CERKL: variants seen among roughly 807,000 people sequenced by gnomAD.
CERKL encodes CERK like autophagy regulator.
In CERKL, 61 loss-of-function variants were observed where a neutral mutation model predicts 63.4. The observed-to-expected ratio is 0.96, with a 90% confidence interval of 0.78 to 1.19. CERKL has a LOEUF of 1.19. Among genes scored for constraint, CERKL ranks in the 50% most tolerant of loss-of-function variants. The pLI, the probability that CERKL is intolerant of heterozygous loss-of-function variation, is 0.00. For missense variants in CERKL, 675 were observed against 655.5 expected (o/e 1.03, Z -0.33); for synonymous variants, 250 against 230.5 (o/e 1.08, Z -0.77).
intron 2 of CERKL, among the ~76,000 whole-genome samples, chr2:181,584,824 T>C (rs72885333): frequency 0.13 from 20,006 of 150,840 alleles, 1,466 homozygotes; most frequent in East Asian, 0.26. Flanking sequence ...CGGTTTTTTT[T>C]GTTTTTGTTT....
At chr2:181,584,217 T>G (rs552735031) in intron 2 of CERKL, among the ~76,000 whole-genome samples, 11 of 152,116 alleles carry the variant, frequency 7.2e-5, no homozygotes, top group Non-Finnish European at 1.6e-4. Flanking sequence ...ATCCTCTTAA[T>G]AACCGCCATA....
Position 181,539,193 on chromosome 2 carries a change from T to G in CERKL, c.1437A>C (p.Gly479=). 1 of 1,605,424 alleles carries G rather than the reference T, an allele frequency of 6.2e-7. No homozygotes were observed. Among genetic ancestry groups the G allele is most frequent in the African/African-American group, 1.3e-5 (1 of 74,834 alleles). The change falls in exon 12 of 13, where the codon GGA becomes GGC. Residue 479 remains glycine (G), a synonymous_variant. Coordinates refer to ENST00000410087, the MANE Select transcript of CERKL (RefSeq NM_201548.5). Reference sequence around the variant, plus strand: ...CATCCTCCTCCTCCTCTGGATTATATCCACCAGTATTATTCCTTGGATGAA... The same window carrying G: ...CATCCTCCTCCTCCTCTGGATTATAGCCACCAGTATTATTCCTTGGATGAA... ...VKVHPRNNTG[G]YNPEEEEDET...
intron 2 of CERKL, among the ~76,000 whole-genome samples, chr2:181,582,702 G>A (rs1684575358): frequency 6.6e-6 from 1 of 151,596 alleles, no homozygotes; most frequent in Non-Finnish European, 1.5e-5. Context: ...ATGCCACCAA[G>A]CCCAGCTAAT....
intron 11 of CERKL, among the ~76,000 whole-genome samples, chr2:181,540,878 G>A (rs1188699240): frequency 6.6e-6 from 1 of 152,174 alleles, no homozygotes; most frequent in African/African-American, 2.4e-5. Context: ...GAGGCAAACA[G>A]GCTATGGATG....
chr2:181,648,881 T>C (rs560341168), intron 1 of CERKL, among the ~76,000 whole-genome samples: 34 of 152,354 alleles, frequency 2.2e-4, no homozygotes, highest in African/African-American at 6.3e-4. Context: ...AGACTTTTTA[T>C]GTTAGCCCCA....
At chr2:181,593,866 C>T (rs1442975123) in intron 2 of CERKL, among the ~76,000 whole-genome samples, 1 of 122,300 alleles carries the variant, frequency 8.2e-6, no homozygotes. Context: ...GAAAACACTA[C>T]TAAAAAAAAA....
intron 11 of CERKL, among the ~76,000 whole-genome samples, chr2:181,541,524 A>G (rs1366348415): frequency 1.3e-5 from 2 of 152,252 alleles, no homozygotes; most frequent in Non-Finnish European, 2.9e-5. Flanking sequence ...CACGTGTTCC[A>G]GACTGAGGAT....
intron 12 of CERKL, 124 bp from the exon 13 acceptor site, chr2:181,538,368 C>T (rs1197120495): frequency 3.2e-6 from 2 of 631,754 alleles, no homozygotes; most frequent in Non-Finnish European, 5.8e-6. Context: ...CCCAACAGAG[C>T]TGTAATCTAG....
At position 181,564,180 on chromosome 2, in the gene CERKL, G is replaced by A. The variant is rs367799692; in HGVS notation, c.677+1878C>T. On this transcript the variant is annotated intron_variant, in intron 4 of 12. Coordinates refer to ENST00000410087, the MANE Select transcript of CERKL (RefSeq NM_201548.5). Reference sequence around the variant, plus strand: ...ACCTGACAGGAGGTGGAGCTCAGGCGGAAATGATCCCTCTCCTGCCACTCA... The same window carrying A: ...ACCTGACAGGAGGTGGAGCTCAGGCAGAAATGATCCCTCTCCTGCCACTCA... 5.9e-5 allele frequency among the ~76,000 whole-genome samples: 9 copies of A among 152,158 alleles called. No homozygotes were observed. In the East Asian group the frequency reaches 1.4e-3, roughly 23 times the overall value.
Position 181,537,959 on chromosome 2 carries a change from T to G in CERKL, c.*225A>C, listed in dbSNP as rs1687255947. The G allele has an allele frequency of 4.7e-6, 3 of 642,208 alleles. No homozygotes were observed. The highest frequency in any genetic ancestry group is 8.7e-6 in the Non-Finnish European group (3 of 343,132). The allele number at this position is 642,208 out of a possible 1,614,324, so 39.8% of individuals were successfully genotyped here. ...TCTCATAGAAGTGCGAACCATATGG[T>G]GAACTGGTATGTGAGGGATCTAGAG... On this transcript the variant is annotated 3_prime_UTR_variant, in exon 13 of 13. Transcript: ENST00000410087.
chr2:181,592,200 T>C (rs373690671), intron 2 of CERKL, among the ~76,000 whole-genome samples: 5 of 152,148 alleles, frequency 3.3e-5, no homozygotes, highest in East Asian at 3.8e-4. Flanking sequence ...ATCTTTCTCT[T>C]TCTCTCTCTT....
At position 181,537,795 on chromosome 2, in the gene CERKL, T is replaced by C; in HGVS notation, c.*389A>G. ...ACAGAATTTGAATTGATATTTCATC[T>C]TGACTTTTAAAGCCCTAGAGGCTAA... On this transcript the variant is annotated 3_prime_UTR_variant, in exon 13 of 13. Transcript: ENST00000410087. 1 of 461,858 alleles carries C rather than the reference T, an allele frequency of 2.2e-6. No individual in the cohort carries two copies. Among genetic ancestry groups the C allele is most frequent in the Non-Finnish European group, 4.3e-6 (1 of 233,626 alleles). 28.6% of individuals were successfully genotyped at this position (461,858 alleles called of 1,614,324 possible). A position where few individuals can be genotyped will look rare whatever the true frequency, so the allele number is the denominator to read the frequency against.
chr2:181,650,480 C>T (rs1301524054), intron 1 of CERKL, among the ~76,000 whole-genome samples: 2 of 152,134 alleles, frequency 1.3e-5, no homozygotes, highest in Non-Finnish European at 2.9e-5. Flanking sequence ...ACTAATCGGC[C>T]AGGCATTGTG....
At chr2:181,648,284 A>G (rs151165737) in intron 1 of CERKL, among the ~76,000 whole-genome samples, 1 of 152,298 alleles carries the variant, frequency 6.6e-6, no homozygotes, top group East Asian at 1.9e-4. Context: ...TGCAAGAGAA[A>G]AGCATCAAGT....
chr2:181,542,282 A>G (rs1363407927), intron 11 of CERKL, among the ~76,000 whole-genome samples: 1 of 152,204 alleles, frequency 6.6e-6, no homozygotes, highest in East Asian at 1.9e-4. Flanking sequence ...TGGTGGTTTC[A>G]ATCTATTTTA....
intron 2 of CERKL, among the ~76,000 whole-genome samples, chr2:181,597,810 G>A (rs921519106): frequency 6.6e-6 from 1 of 152,276 alleles, no homozygotes; most frequent in African/African-American, 2.4e-5. Flanking sequence ...CTCATAACCT[G>A]TTCTGACTTT....
intron 2 of CERKL, among the ~76,000 whole-genome samples, chr2:181,579,803 T>TGGGATA (rs1424655527): frequency 6.6e-6 from 1 of 151,960 alleles, no homozygotes; most frequent in Non-Finnish European, 1.5e-5. Context: ...TTTTTCCAGA[T>TGGGATA]GGCTATCTAC....
chr2:181,601,270 G>C (rs1255733667), intron 2 of CERKL, among the ~76,000 whole-genome samples: 1 of 152,188 alleles, frequency 6.6e-6, no homozygotes. Flanking sequence ...AGTTTTAAGA[G>C]AAGTGCCAGC....
intron 3 of CERKL, among the ~76,000 whole-genome samples, chr2:181,572,649 A>T (rs1226513049): frequency 8.2e-6 from 1 of 122,442 alleles, no homozygotes; most frequent in African/African-American, 3.7e-5. Context: ...GGTCACAAAC[A>T]TAAAGGTTAA....
Sources: gnomAD v4.1 joint callset for allele counts (sites outside exome capture counted in the v4.1 genomes callset) on GRCh38, gnomAD v4.1.1 for gene constraint, MANE v1.5 for transcripts, NCBI Gene and HGNC (gene_info 2026-07-23, HGNC 2026-07-21) for gene names.